TTC34: variants seen among roughly 807,000 people sequenced by gnomAD.
TTC34 encodes tetratricopeptide repeat protein 34.
In TTC34, 44 loss-of-function variants were observed where a neutral mutation model predicts 40.7. The ratio of observed to expected loss-of-function variants is 1.08; its 90% CI spans 0.85 to 1.39. The LOEUF (loss-of-function observed/expected upper bound fraction) is 1.39. TTC34 is among the 40% of genes most tolerant of loss of function. The pLI is 0.00. For synonymous variants in TTC34, 422 were observed against 398.6 expected (o/e 1.06, Z -0.70); for missense variants, 884 against 838.0 (o/e 1.05, Z -0.68).
At chr1:2,685,759 C>A (rs1336716141) in intron 6 of TTC34, among the ~76,000 whole-genome samples, 1 of 143,746 alleles carries the variant, frequency 7.0e-6, no homozygotes, top group Admixed American at 6.9e-5. Context: ...GAACCCACAC[C>A]CACAGGTGAG....
At chr1:2,782,214 A>G (rs1643494624) in intron 6 of TTC34, among the ~76,000 whole-genome samples, 1 of 152,024 alleles carries the variant, frequency 6.6e-6, no homozygotes, top group Admixed American at 6.6e-5. Flanking sequence ...CTATTTCTTC[A>G]TGATTTAGTC....
chr1:2,793,946 C>T (rs1390110775), intron 2 of TTC34, among the ~76,000 whole-genome samples: 1 of 151,782 alleles, frequency 6.6e-6, no homozygotes, highest in Non-Finnish European at 1.5e-5. Flanking sequence ...TCTCCCTTCC[C>T]CTCCTCGCCC....
At chr1:2,768,402 G>C (rs1198757997) in intron 6 of TTC34, among the ~76,000 whole-genome samples, 1 of 151,812 alleles carries the variant, frequency 6.6e-6, no homozygotes, top group Non-Finnish European at 1.5e-5. Context: ...TGACAGCCCG[G>C]AACAACACCC....
rs1643712970 is a variant in TTC34, at chr1:2,796,709, C to T, written c.784+3335G>A. Among the ~76,000 whole-genome samples the T allele has an allele frequency of 6.6e-6, 1 of 152,190 alleles. No homozygotes were observed. The highest frequency in any genetic ancestry group is 6.5e-5 in the Admixed American group (1 of 15,274). ...GCTGTGGGCATGGTCCTCACCAGCCCCTGAGTGCCTGTGCTCTGGGCACCC... is the reference window on the plus strand; with the variant it reads ...GCTGTGGGCATGGTCCTCACCAGCCTCTGAGTGCCTGTGCTCTGGGCACCC... On this transcript the variant is annotated intron_variant, in intron 2 of 8. Transcript: ENST00000401095. The surrounding 1 kb of genome is among the most constrained non-coding windows in gnomAD (Gnocchi z 4.5).
chr1:2,693,016 G>C (rs868655911), intron 6 of TTC34, among the ~76,000 whole-genome samples: 45 of 66,534 alleles, frequency 6.8e-4, no homozygotes, highest in East Asian at 2.7e-3. Flanking sequence ...ACCTGGAGCA[G>C]CACCCACACT....
chr1:2,758,266 C>T (rs1641572014), intron 6 of TTC34, among the ~76,000 whole-genome samples: 1 of 133,412 alleles, frequency 7.5e-6, no homozygotes. Context: ...CCTGGAACAG[C>T]ACACACACCC....
intron 6 of TTC34, among the ~76,000 whole-genome samples, chr1:2,681,791 G>T (rs1484365327): frequency 1.6e-5 from 2 of 121,414 alleles, no homozygotes; most frequent in Non-Finnish European, 3.8e-5. Flanking sequence ...ACACCCCCAG[G>T]TGAGCATCTG....
chr1:2,694,116 T>G, intron 6 of TTC34, among the ~76,000 whole-genome samples: 1 of 139,618 alleles, frequency 7.2e-6, no homozygotes, highest in Non-Finnish European at 1.5e-5. Flanking sequence ...CACCCCCAGG[T>G]GCGCACGTGA....
chr1:2,692,240 C>T lies in TTC34; in HGVS notation c.2227-46677G>A, dbSNP rs151160842. On this transcript the variant is annotated intron_variant, in intron 6 of 8. Coordinates refer to ENST00000401095, the Ensembl canonical transcript of TTC34. ...GCACCCACATCCCCAGGCGAGCATC[C>T]GACAGCCTGGAGCAGCACCCACACC... Among the ~76,000 whole-genome samples, 9 of 47,524 alleles carry T rather than the reference C, an allele frequency of 1.9e-4. 1 individual carries two copies. The highest frequency in any genetic ancestry group is 1.5e-3 in the South Asian group (2 of 1,344). 31.2% of individuals were successfully genotyped at this position (47,524 alleles called of 152,430 possible).
chr1:2,778,937 AC>A (rs2100613558), intron 6 of TTC34, among the ~76,000 whole-genome samples: 1 of 151,758 alleles, frequency 6.6e-6, no homozygotes, highest in South Asian at 2.1e-4. Context: ...TCTGCCCCCA[AC>A]CCCAGGCACC....
At chr1:2,794,451 A>C (rs1255869495) in intron 2 of TTC34, among the ~76,000 whole-genome samples, 1 of 152,238 alleles carries the variant, frequency 6.6e-6, no homozygotes, top group African/African-American at 2.4e-5. Flanking sequence ...AATATAAATA[A>C]TGTTTTGCAT....
chr1:2,653,583 CTGA>C (rs1376154283), intron 6 of TTC34, among the ~76,000 whole-genome samples: 82 of 145,340 alleles, frequency 5.6e-4, no homozygotes, highest in East Asian at 8.8e-4. Context: ...AGGTGAGCAT[CTGA>C]CATCGTGGAG....
chr1:2,779,048 C>G (rs1226733561), intron 6 of TTC34, among the ~76,000 whole-genome samples: 1 of 152,168 alleles, frequency 6.6e-6, no homozygotes, highest in Admixed American at 6.5e-5. Context: ...GCTTATTTTG[C>G]TGAGCACAAT....
At chr1:2,694,162 T>C (rs1411205489) in intron 6 of TTC34, among the ~76,000 whole-genome samples, 62 of 140,360 alleles carry the variant, frequency 4.4e-4, no homozygotes, top group African/African-American at 9.0e-4. Flanking sequence ...CAGGCGAGCA[T>C]CTGACGGCCT....
intron 6 of TTC34, among the ~76,000 whole-genome samples, chr1:2,684,945 G>A (rs1465559493): frequency 1.8e-5 from 2 of 109,450 alleles, no homozygotes; most frequent in African/African-American, 4.0e-5. Flanking sequence ...ACAGCCTGGA[G>A]CACCACCCAC....
intron 2 of TTC34, among the ~76,000 whole-genome samples, chr1:2,791,303 C>T (rs1474300678): frequency 6.6e-6 from 1 of 152,198 alleles, no homozygotes; most frequent in East Asian, 1.9e-4. Context: ...CCCTTATTTT[C>T]ACAGGTTACG....
At chr1:2,773,449 C>T (rs866866085) in intron 6 of TTC34, among the ~76,000 whole-genome samples, 1 of 68,846 alleles carries the variant, frequency 1.5e-5, no homozygotes, top group Non-Finnish European at 3.2e-5. Flanking sequence ...CCTGGAGCAG[C>T]GCCCACACAC....
At chr1:2,685,765 G>A (rs1399721093) in intron 6 of TTC34, among the ~76,000 whole-genome samples, 4 of 150,492 alleles carry the variant, frequency 2.7e-5, no homozygotes, top group African/African-American at 9.8e-5. Flanking sequence ...ACACCCACAG[G>A]TGAGCATCTG....
At chr1:2,784,459 C>G (rs947117840) in intron 5 of TTC34, among the ~76,000 whole-genome samples, 22 of 152,126 alleles carry the variant, frequency 1.4e-4, no homozygotes, top group African/African-American at 4.6e-4. Flanking sequence ...TGGATGATAT[C>G]CAGCCTTCCA....
Sources: gnomAD v4.1 joint callset for allele counts (sites outside exome capture counted in the v4.1 genomes callset) on GRCh38, gnomAD v4.1.1 for gene constraint, Gnocchi (gnomAD v3.1) non-coding constraint, MANE v1.5 for transcripts, NCBI Gene and HGNC (gene_info 2026-07-23, HGNC 2026-07-21) for gene names.